Variants in PEPD observed in about 807,000 individuals in gnomAD.
PEPD encodes the protein peptidase D.
PEPD carries 53 observed loss-of-function variants against 60.7 expected under a neutral mutation model. The ratio of observed to expected loss-of-function variants is 0.87; its 90% CI spans 0.70 to 1.10. PEPD has a LOEUF of 1.10. Ranked by LOEUF, PEPD falls within the 50% of genes least tolerant of loss-of-function variation. The pLI, the probability that PEPD is intolerant of heterozygous loss-of-function variation, is 0.00. For missense variants in PEPD, 711 were observed against 711.9 expected, an observed-to-expected ratio of 1.00 and a Z score of 0.01; for synonymous variants, 267 against 284.1, an observed-to-expected ratio of 0.94 and a Z score of 0.60.
At position 33,396,560 on chromosome 19, in the gene PEPD, C is replaced by T. The variant is rs192538679; in HGVS notation, c.968-5081G>A. ...CTGAGGGCAGGGACAGAGCCAGGAG[C>T]GGGGGAACGAAACACAAAAGAGCTC... On this transcript the variant is annotated intron_variant, in intron 12 of 14. Coordinates refer to ENST00000244137, the MANE Select transcript of PEPD (RefSeq NM_000285.4). Among the ~76,000 whole-genome samples the T allele has an allele frequency of 2.0e-4, 31 of 152,272 alleles. No homozygotes were observed. In the East Asian group the frequency reaches 5.6e-3, roughly 28 times the overall value.
intron 12 of PEPD, among the ~76,000 whole-genome samples, chr19:33,392,405 CTT>C (rs1968245812): frequency 6.6e-6 from 1 of 152,236 alleles, no homozygotes; most frequent in Admixed American, 6.5e-5. Flanking sequence ...CTCATGGTAG[CTT>C]CCACTGCTGG....
chr19:33,415,336 G>A (rs1225144646), intron 9 of PEPD, among the ~76,000 whole-genome samples: 1 of 152,232 alleles, frequency 6.6e-6, no homozygotes, highest in Admixed American at 6.5e-5. Context: ...GAGGGACAGA[G>A]ATGCCATCCG....
chr19:33,410,006 C>G (rs912430477), intron 11 of PEPD, among the ~76,000 whole-genome samples: 1 of 152,246 alleles, frequency 6.6e-6, no homozygotes, highest in African/African-American at 2.4e-5. Context: ...ACCCTCCCAG[C>G]CCCGAGCACG....
intron 6 of PEPD, chr19:33,487,404 AG>A (rs2145312321): frequency 6.6e-6 from 1 of 152,568 alleles, no homozygotes; most frequent in East Asian, 1.9e-4. Context: ...GGTGGCAGTG[AG>A]GTGGAAGGCC....
chr19:33,396,663 G>C (rs920602298), intron 12 of PEPD, among the ~76,000 whole-genome samples: 22 of 151,304 alleles, frequency 1.5e-4, no homozygotes, highest in Admixed American at 1.2e-3. Flanking sequence ...GAGGCTCCTG[G>C]GTGAGCACAG....
At chr19:33,422,104 A>G (rs1005941803) in intron 9 of PEPD, among the ~76,000 whole-genome samples, 42 of 152,060 alleles carry the variant, frequency 2.8e-4, no homozygotes, top group African/African-American at 1.0e-3. Flanking sequence ...TTGTCTTCTT[A>G]GTCGAACTCC....
chr19:33,461,695 G>A (rs952429239), intron 9 of PEPD, among the ~76,000 whole-genome samples: 3 of 152,222 alleles, frequency 2.0e-5, no homozygotes, highest in South Asian at 2.1e-4. Flanking sequence ...CTCGCTGGAG[G>A]AGCCCCACAA....
intron 3 of PEPD, among the ~76,000 whole-genome samples, chr19:33,507,707 A>G (rs1970839621): frequency 6.6e-6 from 1 of 152,058 alleles, no homozygotes; most frequent in Non-Finnish European, 1.5e-5. Context: ...CTGGTGCCCT[A>G]TTGATTCCAG....
intron 12 of PEPD, among the ~76,000 whole-genome samples, chr19:33,394,954 C>A (rs544341533): frequency 1.3e-5 from 2 of 152,214 alleles, no homozygotes; most frequent in Non-Finnish European, 2.9e-5. Flanking sequence ...GATGCCTGGG[C>A]CATCTCTTTA....
At chr19:33,444,113 G>T (rs1969544834) in intron 9 of PEPD, among the ~76,000 whole-genome samples, 1 of 152,150 alleles carries the variant, frequency 6.6e-6, no homozygotes, top group Admixed American at 6.5e-5. Flanking sequence ...CGGGTAGGGC[G>T]AGAAGAGTGT....
At chr19:33,445,154 C>T (rs902733438) in intron 9 of PEPD, among the ~76,000 whole-genome samples, 2 of 152,190 alleles carry the variant, frequency 1.3e-5, no homozygotes. Context: ...GATCTTGTCC[C>T]TCATTTAACT....
chr19:33,433,545 G>C (rs1400990227), intron 9 of PEPD, among the ~76,000 whole-genome samples: 1 of 152,158 alleles, frequency 6.6e-6, no homozygotes, highest in East Asian at 1.9e-4. Flanking sequence ...ATGGGCTCCT[G>C]GGGTCTTTTT....
chr19:33,496,542 C>T (rs920777298), intron 4 of PEPD, among the ~76,000 whole-genome samples: 2 of 152,244 alleles, frequency 1.3e-5, no homozygotes, highest in Non-Finnish European at 2.9e-5. Flanking sequence ...CACACCCTGA[C>T]TCCGTGCCTC....
At chr19:33,515,060 C>T (rs552538243) in intron 1 of PEPD, among the ~76,000 whole-genome samples, 5 of 152,308 alleles carry the variant, frequency 3.3e-5, no homozygotes, top group East Asian at 3.9e-4. Flanking sequence ...TTCTCCGGCC[C>T]GCCGCCTCGG....
chr19:33,493,863 C>A (rs1970546355), intron 4 of PEPD, among the ~76,000 whole-genome samples: 4 of 152,154 alleles, frequency 2.6e-5, no homozygotes, highest in Admixed American at 2.6e-4. Flanking sequence ...CCATGACCCA[C>A]TTGGACCTCC....
intron 5 of PEPD, among the ~76,000 whole-genome samples, chr19:33,490,531 G>A (rs1158360118): frequency 6.6e-6 from 1 of 152,242 alleles, no homozygotes. Flanking sequence ...CAGGACTGCT[G>A]TGAAGCAGGG....
At chr19:33,489,088 G>A (rs1970449409) in intron 6 of PEPD, among the ~76,000 whole-genome samples, 1 of 152,066 alleles carries the variant, frequency 6.6e-6, no homozygotes, top group Non-Finnish European at 1.5e-5. Flanking sequence ...GCCCTCTCCA[G>A]GCTCTCCCGG....
At chr19:33,402,141 G>C (rs1485860499) in intron 11 of PEPD, among the ~76,000 whole-genome samples, 1 of 152,216 alleles carries the variant, frequency 6.6e-6, no homozygotes, top group Non-Finnish European at 1.5e-5. Context: ...TGAGGGGAGT[G>C]GGGCTGTCCT....
intron 7 of PEPD, among the ~76,000 whole-genome samples, chr19:33,465,646 T>A (rs989434112): frequency 6.6e-6 from 1 of 152,140 alleles, no homozygotes. Context: ...CACTCCTCAA[T>A]ACGCTTCCTG....
Sources: allele counts gnomAD v4.1 joint callset (sites outside exome capture counted in the v4.1 genomes callset), GRCh38; gene constraint gnomAD v4.1.1; transcripts MANE v1.5; gene names NCBI Gene and HGNC (gene_info 2026-07-23, HGNC 2026-07-21).